Variants in SF3B3 observed in about 807,000 individuals in gnomAD.
SF3B3 encodes splicing factor 3b subunit 3, also known as SAP 130.
A neutral mutation model predicts 139.2 loss-of-function variants in SF3B3; 33 were observed. The ratio of observed to expected loss-of-function variants is 0.24; its 90% CI spans 0.18 to 0.32. The LOEUF is 0.32. SF3B3 is among the 10% of genes least tolerant of loss of function. The pLI is 1.00. For synonymous variants in SF3B3, 596 were observed against 563.6 expected (o/e 1.06, Z -0.81); for missense variants, 818 against 1,509.4 (o/e 0.54, Z 7.59).
intron 15 of SF3B3, among the ~76,000 whole-genome samples, chr16:70,559,109 C>T (rs926583877): frequency 6.6e-6 from 1 of 152,160 alleles, no homozygotes; most frequent in Non-Finnish European, 1.5e-5. Context: ...TTGTCTGTAT[C>T]TGTGTTAAAG....
intron 10 of SF3B3, among the ~76,000 whole-genome samples, chr16:70,545,938 G>A (rs1453832019): frequency 6.6e-6 from 1 of 152,142 alleles, no homozygotes; most frequent in Non-Finnish European, 1.5e-5. Context: ...AAATTTCAAT[G>A]ACTCAGACCC....
intron 17 of SF3B3, chr16:70,563,629 G>A: frequency 2.4e-6 from 1 of 410,844 alleles, no homozygotes; most frequent in Non-Finnish European, 4.3e-6. Context: ...AATCGTTTGT[G>A]TTTCATTGGT....
At chr16:70,557,534 C>G (rs542294267) in intron 15 of SF3B3, among the ~76,000 whole-genome samples, 56 of 152,248 alleles carry the variant, frequency 3.7e-4, no homozygotes, top group Non-Finnish European at 6.2e-4. Flanking sequence ...AGTAATCTAG[C>G]CCAGGTACTT....
At chr16:70,533,845 C>G (rs1215920252) in intron 5 of SF3B3, among the ~76,000 whole-genome samples, 1 of 152,218 alleles carries the variant, frequency 6.6e-6, no homozygotes, top group African/African-American at 2.4e-5. Context: ...GATCACACAT[C>G]TCATTACTTG....
intron 17 of SF3B3, chr16:70,563,598 G>T: frequency 2.9e-6 from 1 of 339,814 alleles, no homozygotes; most frequent in Non-Finnish European, 5.4e-6. Flanking sequence ...TCATTGGAGT[G>T]ATTAAAAAAA....
In SF3B3 at chr16:70,570,125, C is replaced by T. The variant is rs745543406; in HGVS notation, c.3384C>T (p.Ile1128=). 5.0e-6 allele frequency: 8 copies of T among 1,613,988 alleles called. No homozygotes were observed. In the South Asian group the frequency reaches 8.8e-5, roughly 18 times the overall value. ...CCACCTTGTCTGGAGGAATTGGCAT[C>T]CTTGTGCCATTCACGTCCCATGAGG... The part of the protein sequence containing the change: ...VYTTLSGGIG[I]LVPFTSHEDH... The change falls in exon 24 of 26, where the codon ATC becomes ATT. Residue 1128 remains isoleucine (I), a synonymous_variant. Coordinates refer to ENST00000302516, the MANE Select transcript of SF3B3 (RefSeq NM_012426.5).
intron 17 of SF3B3, among the ~76,000 whole-genome samples, chr16:70,562,556 T>A (rs2151792378): frequency 6.6e-6 from 1 of 152,326 alleles, no homozygotes; most frequent in African/African-American, 2.4e-5. Context: ...CATCACTTAA[T>A]ATTTTTTTAA....
chr16:70,560,397 C>T (rs373749435), intron 15 of SF3B3, 72 bp from the exon 16 acceptor site: 5 of 1,541,490 alleles, frequency 3.2e-6, no homozygotes. Context: ...GTGAAGTACC[C>T]AAGGGAGAGG....
chr16:70,537,088 C>T (rs938157859), intron 6 of SF3B3, among the ~76,000 whole-genome samples: 12 of 152,114 alleles, frequency 7.9e-5, no homozygotes, highest in African/African-American at 1.4e-4. Flanking sequence ...GGATTACAGG[C>T]GTGAGCCACT....
At chr16:70,539,608 A>G (rs1271278616) in intron 8 of SF3B3, among the ~76,000 whole-genome samples, 2 of 151,986 alleles carry the variant, frequency 1.3e-5, no homozygotes, top group Non-Finnish European at 2.9e-5. Flanking sequence ...GCTTTTCACA[A>G]GAATGTGTTA....
chr16:70,540,318 TC>T (rs1389170025), intron 8 of SF3B3, among the ~76,000 whole-genome samples: 2 of 151,970 alleles, frequency 1.3e-5, no homozygotes, highest in Non-Finnish European at 2.9e-5. Context: ...ACCTTGGCCT[TC>T]CCGAAGTGTT....
intron 6 of SF3B3, among the ~76,000 whole-genome samples, chr16:70,535,648 A>G (rs2050159205): frequency 1.3e-5 from 2 of 152,184 alleles, no homozygotes; most frequent in Non-Finnish European, 2.9e-5. Context: ...TTTCTATTTC[A>G]GAGGAACCTG....
intron 4 of SF3B3, 121 bp downstream of exon 4, chr16:70,531,038 T>C (rs1597705649): frequency 1.3e-6 from 1 of 799,534 alleles, no homozygotes; most frequent in East Asian, 2.5e-5. Context: ...GAGGCAAGGC[T>C]GGCGGATCAT....
rs1452417074 is a variant in SF3B3, at chr16:70,526,616, C to T, written c.-41C>T. The T allele has an allele frequency of 5.3e-6, 8 of 1,518,502 alleles. No homozygotes were observed. The highest frequency in any genetic ancestry group is 6.4e-6 in the Non-Finnish European group (7 of 1,098,198). 94.1% of individuals were successfully genotyped at this position (1,518,502 alleles called of 1,614,324 possible). ...CTTGGACTCCGTACTGTTGGTGTAA[C>T]CAAGGCCTGGAGGTCTGGGTGGCTC... On this transcript the variant is annotated 5_prime_UTR_variant, in exon 2 of 26. Coordinates refer to ENST00000302516, the MANE Select transcript of SF3B3 (RefSeq NM_012426.5).
chr16:70,551,659 G>A lies in SF3B3; in HGVS notation c.1403-2787G>A, dbSNP rs539978911. On this transcript the variant is annotated intron_variant, in intron 11 of 25. Transcript: ENST00000302516. ...GGAGGTTGCAGTGAGCTGAGATTGC[G>A]CCATTGTACTCCAGCCTGGGCAACC... Among the ~76,000 whole-genome samples the A allele has an allele frequency of 6.4e-4, 98 of 152,202 alleles. 1 individual carries two copies. Among genetic ancestry groups the A allele is most frequent in the African/African-American group, 2.2e-3 (93 of 41,530 alleles).
Position 70,572,727 on chromosome 16 carries a change from C to T in SF3B3, c.*914C>T, listed in dbSNP as rs924510929. The T allele has an allele frequency of 1.3e-5, 2 of 152,394 alleles. No individual in the cohort carries two copies. The highest frequency in any genetic ancestry group is 2.9e-5 in the Non-Finnish European group (2 of 68,184). 9.4% of individuals were successfully genotyped at this position (152,394 alleles called of 1,614,324 possible). On this transcript the variant is annotated 3_prime_UTR_variant, in exon 26 of 26. Transcript: ENST00000302516. ...CAGAAGAACCTAGATACTGCCCTGC[C>T]CCTGAGAACTGTGTATATGTGGGGC...
At position 70,557,950 on chromosome 16, in the gene SF3B3, C is replaced by T. The variant is rs138860375; in HGVS notation, c.2010+921C>T. Among the ~76,000 whole-genome samples, 297 of 152,170 alleles carry T rather than the reference C, an allele frequency of 2.0e-3. 1 individual carries two copies. The highest frequency in any genetic ancestry group is 6.9e-3 in the African/African-American group (288 of 41,506). On this transcript the variant is annotated intron_variant, in intron 15 of 25. Transcript: ENST00000302516. Reference sequence around the variant, plus strand: ...TTCCAGTTTTCCCTGTTCTTCTTTCCCCCAATGTGGCTTTATAGTTGGTTG... The same window carrying T: ...TTCCAGTTTTCCCTGTTCTTCTTTCTCCCAATGTGGCTTTATAGTTGGTTG...
Position 70,571,152 on chromosome 16 carries a change from T to C in SF3B3, c.3466T>C (p.Cys1156Arg). 6.2e-7 allele frequency: 1 copy of C among 1,614,024 alleles called. No homozygotes were observed. The highest frequency in any genetic ancestry group is 8.5e-7 in the Non-Finnish European group (1 of 1,179,962). ...MHLRSEHPPL[C>R]GRDHLSFRSY... is the part of the protein sequence containing the mutation. ...CCTGCGGTCTGAACATCCCCCTCTCTGTGGGCGGGACCACCTCAGCTTTCG... is the reference window on the plus strand; with the variant it reads ...CCTGCGGTCTGAACATCCCCCTCTCCGTGGGCGGGACCACCTCAGCTTTCG... The change falls in exon 25 of 26, where the codon TGT (cysteine) becomes CGT (arginine). Residue 1156 changes from cysteine to arginine, a missense_variant. Coordinates refer to ENST00000302516, the MANE Select transcript of SF3B3 (RefSeq NM_012426.5).
At chr16:70,557,515 A>G (rs2050389878) in intron 15 of SF3B3, among the ~76,000 whole-genome samples, 1 of 152,224 alleles carries the variant, frequency 6.6e-6, no homozygotes, top group African/African-American at 2.4e-5. Flanking sequence ...TTATTGACTC[A>G]GACATCTAAG....
Sources: allele counts gnomAD v4.1 joint callset (sites outside exome capture counted in the v4.1 genomes callset), GRCh38; gene constraint gnomAD v4.1.1; transcripts MANE v1.5; gene names NCBI Gene and HGNC (gene_info 2026-07-23, HGNC 2026-07-21).